The following URB1 variants were observed in gnomAD, a reference collection of about 807,000 sequenced individuals.
URB1 encodes nucleolar pre-ribosomal-associated protein 1.
In URB1, 197 loss-of-function variants were observed where a neutral mutation model predicts 242.3. The ratio of observed to expected loss-of-function variants is 0.81; its 90% CI spans 0.72 to 0.91. The LOEUF (loss-of-function observed/expected upper bound fraction) is 0.91, where lower values mean the gene tolerates loss of function less well. URB1 is among the 40% of genes least tolerant of loss of function. URB1 has a pLI of 0.00. For synonymous variants in URB1, 1,153 were observed against 1,201.8 expected (o/e 0.96, Z 0.84); for missense variants, 2,721 against 2,860.5 (o/e 0.95, Z 1.11).
rs952300164 is a variant in URB1 at position 32,316,347 on chromosome 21, C to T, written c.6634+119G>A. On this transcript the variant is annotated intron_variant, in intron 38 of 38. Transcript: ENST00000382751. Reference sequence around the variant, plus strand: ...CCGTAAGGGGCCACCTAAACAAGCACAATACCCAGCTGAGGAAGTCAGCAG... The same window carrying T: ...CCGTAAGGGGCCACCTAAACAAGCATAATACCCAGCTGAGGAAGTCAGCAG... The T allele has an allele frequency of 3.5e-6, 5 of 1,411,832 alleles. No homozygotes were observed. The East Asian group carries it at 1.0e-4, about 29-fold the overall frequency. The allele number at this position is 1,411,832 out of a possible 1,614,324, so 87.5% of individuals were successfully genotyped here. A position where few individuals can be genotyped will look rare whatever the true frequency, so the allele number is the denominator to read the frequency against.
rs111488153 is a variant in URB1 at position 32,363,420 on chromosome 21, G to A, written c.1336-91C>T. 3.5e-6 allele frequency: 5 copies of A among 1,427,010 alleles called. No homozygotes were observed. The Middle Eastern group carries it at 5.3e-4, about 152-fold the overall frequency. 88.4% of individuals were successfully genotyped at this position (1,427,010 alleles called of 1,614,324 possible). ...TTGGCTGGCATTTGCCCCTCCTCAG[G>A]TCACTCACAGGGAAAGCTGCATGAA... On this transcript the variant is annotated intron_variant, in intron 10 of 38. Coordinates refer to ENST00000382751, the MANE Select transcript of URB1 (RefSeq NM_014825.3).
intron 17 of URB1, 33 bp downstream of exon 17, chr21:32,354,826 C>A: frequency 6.5e-7 from 1 of 1,543,222 alleles, no homozygotes; most frequent in South Asian, 1.2e-5. Context: ...GGTCTTCAGA[C>A]CTCTGAGCAG....
chr21:32,344,781 G>C, intron 23 of URB1, 25 bp from the exon 24 acceptor site: 1 of 1,544,880 alleles, frequency 6.5e-7, no homozygotes, highest in Non-Finnish European at 8.7e-7. Context: ...GAGAGTCAGA[G>C]ACAGAGAGCA....
intron 28 of URB1, among the ~76,000 whole-genome samples, chr21:32,334,549 C>G (rs905956105): frequency 2.0e-5 from 3 of 152,274 alleles, no homozygotes; most frequent in East Asian, 1.9e-4. Context: ...TCAGTGATGA[C>G]GACAGAAGCT....
rs2032603666 is a variant in URB1 at position 32,312,381 on chromosome 21, T to C, written c.*2537A>G. ...AGTTCACCTGGTCCTTCTGTACCTT[T>C]GTTAGGATGCTGGGTAAGTTCCCAT... On this transcript the variant is annotated 3_prime_UTR_variant, in exon 39 of 39. Transcript: ENST00000382751. The C allele has an allele frequency of 9.0e-7, 1 of 1,109,856 alleles. No individual in the cohort carries two copies. Among genetic ancestry groups the C allele is most frequent in the Non-Finnish European group, 1.1e-6 (1 of 882,288 alleles). 68.8% of individuals were successfully genotyped at this position (1,109,856 alleles called of 1,614,324 possible).
chr21:32,371,416 A>G (rs2033404842), intron 8 of URB1, among the ~76,000 whole-genome samples: 1 of 152,218 alleles, frequency 6.6e-6, no homozygotes, highest in South Asian at 2.1e-4. Context: ...GGAACAATGC[A>G]TGTGTTTTAA....
Position 32,311,262 on chromosome 21 carries a change from C to T in URB1, c.*3656G>A, listed in dbSNP as rs111285307. 1,459 of 180,284 alleles carry T rather than the reference C, an allele frequency of 8.1e-3. 26 individuals are homozygous for T. Among genetic ancestry groups the T allele is most frequent in the African/African-American group, 0.031 (1,324 of 42,334 alleles). 11.2% of individuals were successfully genotyped at this position (180,284 alleles called of 1,614,324 possible). On this transcript the variant is annotated 3_prime_UTR_variant, in exon 39 of 39. Transcript: ENST00000382751. ...CTCCCACTGGGTCCTTCCCACGACA[C>T]GTGGGGATTATTACAATTCAAGGTG...
At chr21:32,373,074 T>G (rs1601152970) in intron 7 of URB1, among the ~76,000 whole-genome samples, 1 of 152,346 alleles carries the variant, frequency 6.6e-6, no homozygotes, top group South Asian at 2.1e-4. Context: ...TTTACTACTC[T>G]GGCCAAGTCC....
Position 32,385,558 on chromosome 21 carries a change from C to T in URB1, c.269G>A (p.Arg90Gln), listed in dbSNP as rs759764877. The change falls in exon 2 of 39, where the codon CGA (arginine) becomes CAA (glutamine). Residue 90 changes from arginine (R) to glutamine (Q), a missense_variant. Physicochemically the swap from Arg to Gln is conservative, Grantham distance 43. Coordinates refer to ENST00000382751, the MANE Select transcript of URB1 (RefSeq NM_014825.3). ...EIFQLLSGEK[R>Q]PESETMLIFQ... ...GGAACAACTTACTTCACTTTCAGGT[C>T]GTTTCTCTCCACTTAGGAGCTGGAA... is the stretch of plus-strand genomic sequence containing the variant. 6.4e-6 allele frequency: 10 copies of T among 1,551,926 alleles called. No individual in the cohort carries two copies. Among genetic ancestry groups the T allele is most frequent in the Non-Finnish European group, 6.1e-6 (7 of 1,147,074 alleles).
chr21:32,353,882 A>G (rs2033187131), intron 18 of URB1, 51 bp downstream of exon 18: 2 of 1,534,132 alleles, frequency 1.3e-6, no homozygotes, highest in Non-Finnish European at 1.8e-6. Flanking sequence ...CCCACCCTGC[A>G]CAGACTAGCC....
At chr21:32,353,856 C>T (rs977923425) in intron 18 of URB1, 77 bp downstream of exon 18, 3 of 1,457,618 alleles carry the variant, frequency 2.1e-6, no homozygotes, top group Middle Eastern at 2.0e-4. Context: ...ATCCCAGAGC[C>T]CCTGGAATCC....
Position 32,392,820 on chromosome 21 carries a change from T to G in URB1, c.91A>C (p.Thr31Pro), listed in dbSNP as rs941513447. ...AGCTGAGCCTTGAACCGCACGCCCG[T>G]GAGCTCTTCTTTGCGGGCGCGCTTG... The part of the protein sequence containing the change: ...AAKRARKEEL[T>P]GVRFKAQLKD... Residue 31 changes from threonine (T) to proline (P), a missense_variant, in exon 1 of 39, where the codon ACG (threonine) becomes CCG (proline). Coordinates refer to ENST00000382751, the MANE Select transcript of URB1 (RefSeq NM_014825.3). The G allele has an allele frequency of 6.5e-7, 1 of 1,532,180 alleles. No individual in the cohort carries two copies. Among genetic ancestry groups the G allele is most frequent in the Non-Finnish European group, 8.7e-7 (1 of 1,144,668 alleles). 94.9% of individuals were successfully genotyped at this position (1,532,180 alleles called of 1,614,324 possible). A position where few individuals can be genotyped will look rare whatever the true frequency, so the allele number is the denominator to read the frequency against.
At chr21:32,352,080 C>A (rs2033164693) in intron 19 of URB1, among the ~76,000 whole-genome samples, 1 of 152,124 alleles carries the variant, frequency 6.6e-6, no homozygotes, top group Admixed American at 6.6e-5. Flanking sequence ...GCTATTGCTA[C>A]CAATATCACA....
intron 24 of URB1, among the ~76,000 whole-genome samples, chr21:32,344,316 T>C (rs2033061520): frequency 1.3e-5 from 2 of 152,224 alleles, no homozygotes; most frequent in Non-Finnish European, 2.9e-5. Context: ...CAAGACATTA[T>C]ATAACATCTT....
chr21:32,370,032 G>A (rs373974186), intron 8 of URB1, among the ~76,000 whole-genome samples: 5 of 149,722 alleles, frequency 3.3e-5, no homozygotes, highest in Non-Finnish European at 7.4e-5. Context: ...ACTAAAACTT[G>A]CATAAAGGGA....
Position 32,357,790 on chromosome 21 carries a change from GGCCAAAGTGGGCAGATCACCTGAGGTCAC to G in URB1, c.1870-163_1870-135del, listed in dbSNP as rs982152125. The G allele has an allele frequency of 8.1e-6, 5 of 616,268 alleles. No individual in the cohort carries two copies. The African/African-American group carries it at 1.0e-4, about 12-fold the overall frequency. 38.2% of individuals were successfully genotyped at this position (616,268 alleles called of 1,614,324 possible). On this transcript the variant is annotated intron_variant, in intron 14 of 38. Coordinates refer to ENST00000382751, the MANE Select transcript of URB1 (RefSeq NM_014825.3). ...CACCTGTAATCTCAGCACTTTGGGAGGCCAAAGTGGGCAGATCACCTGAGGTCACGCGTTGGAGACGAGCCTGGCCAACA... is the reference window on the plus strand; with the variant it reads ...CACCTGTAATCTCAGCACTTTGGGAGGCGTTGGAGACGAGCCTGGCCAACA...
At chr21:32,355,665 G>A (rs2033212109) in intron 15 of URB1, 100 bp from the exon 16 acceptor site, 3 of 999,052 alleles carry the variant, frequency 3.0e-6, no homozygotes, top group African/African-American at 1.6e-5. Context: ...CTGGAGTGCA[G>A]TGGCATGATC....
intron 26 of URB1, 77 bp downstream of exon 26, chr21:32,338,617 CGGAGGGAGATGAG>C: frequency 7.1e-7 from 1 of 1,409,188 alleles, no homozygotes. Flanking sequence ...CTCCGAGAGC[CGGAGGGAGATGAG>C]CCTCAGTGCA....
chr21:32,385,404 T>C (rs1330780347), intron 2 of URB1, 141 bp downstream of exon 2: 6 of 1,244,238 alleles, frequency 4.8e-6, no homozygotes, highest in Non-Finnish European at 6.4e-6. Context: ...AAAAAATGAA[T>C]ACATTCCTAC....
Sources: allele counts gnomAD v4.1 joint callset (sites outside exome capture counted in the v4.1 genomes callset), GRCh38; gene constraint gnomAD v4.1.1; transcripts MANE v1.5; gene names NCBI Gene and HGNC (gene_info 2026-07-23, HGNC 2026-07-21).